RSRC2: variants seen among roughly 807,000 people sequenced by gnomAD.
RSRC2 encodes arginine and serine rich coiled-coil 2.
A neutral mutation model predicts 61.3 loss-of-function variants in RSRC2; 5 were observed. The observed-to-expected ratio is 0.08, with a 90% CI of 0.04 to 0.17. The LOEUF is 0.17. Ranked by LOEUF, RSRC2 falls within the 10% of genes least tolerant of loss-of-function variation. The pLI, the probability that RSRC2 is intolerant of heterozygous loss-of-function variation, is 1.00. For missense variants in RSRC2, 381 were observed against 518.8 expected (o/e 0.73, Z 2.58); for synonymous variants, 202 against 166.5 (o/e 1.21, Z -1.64).
Position 122,518,917 on chromosome 12 carries a change from T to G in RSRC2, c.320A>C (p.Asn107Thr). The change falls in exon 4 of 10, where the codon AAT (asparagine) becomes ACT (threonine). Residue 107 changes from asparagine to threonine, a missense_variant. Around this residue, in one of 4 missense-constraint regions of RSRC2, gnomAD observed 266 missense variants for 270.5 expected, o/e 0.98. Coordinates refer to ENST00000331738, the MANE Select transcript of RSRC2 (RefSeq NM_023012.6). Reference sequence around the variant, plus strand: ...TTTGCGTTTGTGCCTGTCCTCACCATTTTCAGATGAATTTAGTCGCTCTCT... The same window carrying G: ...TTTGCGTTTGTGCCTGTCCTCACCAGTTTCAGATGAATTTAGTCGCTCTCT... ...KGRERLNSSE[N>T]GEDRHKRKER... 1 of 1,614,072 alleles carries G rather than the reference T, an allele frequency of 6.2e-7. No individual in the cohort carries two copies. Among genetic ancestry groups the G allele is most frequent in the Non-Finnish European group, 8.5e-7 (1 of 1,179,950 alleles).
intron 6 of RSRC2, chr12:122,514,838 T>C: frequency 1.4e-6 from 1 of 712,360 alleles, no homozygotes; most frequent in South Asian, 2.3e-5. Flanking sequence ...AAATGCAAAC[T>C]GAAAATATTT....
Position 122,526,878 on chromosome 12 carries a change from C to G in RSRC2, c.-25G>C. ...TAGTTCAGAGTCCCGGCCGCTAGAGCGGCGCCTCCACTTGTCGCTTTCAAC... is the reference window on the plus strand; with the variant it reads ...TAGTTCAGAGTCCCGGCCGCTAGAGGGGCGCCTCCACTTGTCGCTTTCAAC... On this transcript the variant is annotated 5_prime_UTR_variant, in exon 1 of 10. Transcript: ENST00000331738. The G allele has an allele frequency of 1.9e-6, 3 of 1,614,124 alleles. No individual in the cohort carries two copies. The highest frequency in any genetic ancestry group is 2.5e-6 in the Non-Finnish European group (3 of 1,179,936).
rs150612416 is a variant in RSRC2 at position 122,509,174 on chromosome 12, C to T, written c.806-727G>A. ...AAAACAGTATGCAGCTAAGGCTGGG[C>T]GCAGTGGCTCACGTCTGTAATCCCA... On this transcript the variant is annotated intron_variant, in intron 7 of 9. Coordinates refer to ENST00000331738, the MANE Select transcript of RSRC2 (RefSeq NM_023012.6). 4.5e-4 allele frequency among the ~76,000 whole-genome samples: 69 copies of T among 151,920 alleles called. No individual in the cohort carries two copies. The East Asian group carries it at 0.012, about 26-fold the overall frequency.
At position 122,517,230 on chromosome 12, in the gene RSRC2, C is replaced by A; in HGVS notation, c.599G>T (p.Ser200Ile). 1.9e-6 allele frequency: 3 copies of A among 1,614,172 alleles called. No homozygotes were observed. Among genetic ancestry groups the A allele is most frequent in the Non-Finnish European group, 2.5e-6 (3 of 1,179,988 alleles). Residue 200 changes from serine to isoleucine, a missense_variant, in exon 5 of 10, where the codon AGT becomes ATT. Around this residue, in one of 4 missense-constraint regions of RSRC2, gnomAD observed 266 missense variants for 270.5 expected, o/e 0.98. Coordinates refer to ENST00000331738, the MANE Select transcript of RSRC2 (RefSeq NM_023012.6). ...TRSRSRTRSR[S>I]RDRKKRIEKP... is the part of the protein sequence containing the mutation. ...ATTCAGGATGATGGTCACCTACCGA[C>A]TCCTACTCCTTGTCCTACTCCTGCT...
intron 9 of RSRC2, among the ~76,000 whole-genome samples, chr12:122,506,065 G>C (rs200521931): frequency 2.0e-5 from 3 of 152,020 alleles, no homozygotes; most frequent in Admixed American, 1.3e-4. Context: ...TGGGATTACA[G>C]GTGTGAACTA....
chr12:122,516,082 A>C lies in RSRC2; in HGVS notation c.603-855T>G, dbSNP rs548727492. 1.2e-4 allele frequency among the ~76,000 whole-genome samples: 18 copies of C among 152,334 alleles called. No homozygotes were observed. The South Asian group carries it at 3.3e-3, about 28-fold the overall frequency. ...GGTTCAAAGTAGTAAACTACTATAAACTAGAACCACTGAGTAAAAATTCAT... is the reference window on the plus strand; with the variant it reads ...GGTTCAAAGTAGTAAACTACTATAACCTAGAACCACTGAGTAAAAATTCAT... On this transcript the variant is annotated intron_variant, in intron 5 of 9. Transcript: ENST00000331738.
At chr12:122,516,627 G>A (rs971823859) in intron 5 of RSRC2, among the ~76,000 whole-genome samples, 1 of 152,182 alleles carries the variant, frequency 6.6e-6, no homozygotes, top group Non-Finnish European at 1.5e-5. Context: ...CATATGGTAA[G>A]TATGCAAAAG....
chr12:122,515,020 C>T lies in RSRC2; in HGVS notation c.725+85G>A. The T allele has an allele frequency of 2.1e-6, 3 of 1,412,652 alleles. No individual in the cohort carries two copies. The South Asian group carries it at 3.8e-5, about 18-fold the overall frequency. The allele number at this position is 1,412,652 out of a possible 1,614,324, so 87.5% of individuals were successfully genotyped here. On this transcript the variant is annotated intron_variant, in intron 6 of 9. Coordinates refer to ENST00000331738, the MANE Select transcript of RSRC2 (RefSeq NM_023012.6). ...ATTACTAAAGTATGTGAATCATTCT[C>T]TTACTGAAAGAATTCATCTTATCCA... is the stretch of plus-strand genomic sequence containing the variant.
intron 6 of RSRC2, 196 bp downstream of exon 6, chr12:122,514,909 T>C: frequency 1.4e-6 from 1 of 696,438 alleles, no homozygotes; most frequent in East Asian, 3.1e-5. Context: ...ACAGAAATTG[T>C]AGACATCTCA....
rs575730187 is a variant in RSRC2, at chr12:122,526,914, G to C, written c.-61C>G. On this transcript the variant is annotated 5_prime_UTR_variant, in exon 1 of 10. Transcript: ENST00000331738. ...CTTGTCGCTTTCAACAGTACCGGCC[G>C]CTCCGAAGCTTCGCCTCAGACTAAA... The C allele has an allele frequency of 2.5e-6, 4 of 1,600,590 alleles. No homozygotes were observed. The South Asian group carries it at 3.3e-5, about 13-fold the overall frequency.
At chr12:122,513,925 G>C in intron 6 of RSRC2, 1 of 383,928 alleles carries the variant, frequency 2.6e-6, no homozygotes, top group Non-Finnish European at 3.6e-6. Context: ...CCAACTACTT[G>C]AGAGGCTGAG....
intron 6 of RSRC2, among the ~76,000 whole-genome samples, chr12:122,514,434 T>G (rs567954652): frequency 2.0e-4 from 31 of 152,064 alleles, no homozygotes; most frequent in African/African-American, 6.7e-4. Context: ...CCAGCTAATT[T>G]TTGTATTTTT....
chr12:122,505,974 TCAC>T (rs1958091036), intron 9 of RSRC2, among the ~76,000 whole-genome samples: 1 of 151,992 alleles, frequency 6.6e-6, no homozygotes, highest in African/African-American at 2.4e-5. Flanking sequence ...AGACGGGGTT[TCAC>T]CACATTGGTC....
intron 1 of RSRC2, chr12:122,523,881 ATAAAT>A (rs1959634987): frequency 6.6e-6 from 1 of 152,226 alleles, no homozygotes; most frequent in South Asian, 2.1e-4. Context: ...GAATAAAATG[ATAAAT>A]TAAAAACAGA....
chr12:122,514,114 A>AC (rs1593385508), intron 6 of RSRC2, among the ~76,000 whole-genome samples: 2 of 152,292 alleles, frequency 1.3e-5, no homozygotes, highest in South Asian at 4.1e-4. Context: ...AATACTGCAA[A>AC]CAAGTGCTTG....
intron 6 of RSRC2, among the ~76,000 whole-genome samples, chr12:122,513,577 A>G (rs913926889): frequency 6.6e-6 from 1 of 152,222 alleles, no homozygotes; most frequent in Non-Finnish European, 1.5e-5. Flanking sequence ...ATAAGAGCTT[A>G]AAAAATATTT....
chr12:122,525,656 C>A (rs1238585641), intron 1 of RSRC2, among the ~76,000 whole-genome samples: 1 of 152,126 alleles, frequency 6.6e-6, no homozygotes, highest in Admixed American at 6.5e-5. Context: ...AATGCAAAAT[C>A]TTTACATTTT....
intron 1 of RSRC2, among the ~76,000 whole-genome samples, chr12:122,524,498 C>G (rs1474858371): frequency 6.6e-6 from 1 of 152,148 alleles, no homozygotes; most frequent in Non-Finnish European, 1.5e-5. Flanking sequence ...TAGTGCTTAG[C>G]CTAGGCAGTT....
rs1960387236 is a variant in RSRC2 at position 122,526,330 on chromosome 12, A to T, written c.6+518T>A. The T allele has an allele frequency of 1.9e-5, 3 of 156,550 alleles. No individual in the cohort carries two copies. The South Asian group carries it at 4.7e-4, about 25-fold the overall frequency. 9.7% of individuals were successfully genotyped at this position (156,550 alleles called of 1,614,324 possible). A position where few individuals can be genotyped will look rare whatever the true frequency, so the allele number is the denominator to read the frequency against. On this transcript the variant is annotated intron_variant, in intron 1 of 9. Coordinates refer to ENST00000331738, the MANE Select transcript of RSRC2 (RefSeq NM_023012.6). ...ATACACAATAATAAGGTTTACACGG[A>T]CGAACACTAATTGAAATTATGCAAC...
Sources: allele counts gnomAD v4.1 joint callset (sites outside exome capture counted in the v4.1 genomes callset), GRCh38; gene constraint gnomAD v4.1.1; regional missense constraint gnomAD v4.1.1; transcripts MANE v1.5; gene names NCBI Gene and HGNC (gene_info 2026-07-23, HGNC 2026-07-21).